The following REDIC1 variants were observed in gnomAD, a reference collection of about 807,000 sequenced individuals.
REDIC1 encodes HEI10 Interacting Protein 1.
At chr12:39,784,919 A>G in the REDIC1 span, among the ~76,000 whole-genome samples, 27 of 152,216 alleles carry the variant, frequency 1.8e-4, no homozygotes, top group Non-Finnish European at 3.8e-4. Context: ...TATCTGGTGG[A>G]AGAAATTTCT....
the REDIC1 span, among the ~76,000 whole-genome samples, chr12:39,655,782 G>C: frequency 6.6e-6 from 1 of 152,126 alleles, no homozygotes; most frequent in Non-Finnish European, 1.5e-5. Flanking sequence ...TAACTGTATG[G>C]ACACCTACTA....
chr12:39,661,523 A>C, the REDIC1 span, among the ~76,000 whole-genome samples: 2 of 151,526 alleles, frequency 1.3e-5, no homozygotes, highest in Non-Finnish European at 3.0e-5. Context: ...CTGTTGAGTC[A>C]TTTGAGTTTC....
At chr12:39,710,203 A>G in the REDIC1 span, among the ~76,000 whole-genome samples, 3 of 151,868 alleles carry the variant, frequency 2.0e-5, no homozygotes, top group South Asian at 6.2e-4. Context: ...CTTTTTAAGT[A>G]TAAGGTTTTC....
chr12:39,742,955 C>T, the REDIC1 span, among the ~76,000 whole-genome samples: 1 of 152,114 alleles, frequency 6.6e-6, no homozygotes, highest in Non-Finnish European at 1.5e-5. Flanking sequence ...AGGCAAATTG[C>T]TGGAAGTTCA....
the REDIC1 span, among the ~76,000 whole-genome samples, chr12:39,640,391 C>T: frequency 1.3e-5 from 2 of 151,878 alleles, no homozygotes. Flanking sequence ...AATTTCTCTT[C>T]TTGGTAAGCT....
chr12:39,713,137 A>G, the REDIC1 span, among the ~76,000 whole-genome samples: 1 of 149,862 alleles, frequency 6.7e-6, no homozygotes, highest in Non-Finnish European at 1.5e-5. Context: ...ATATACGTAT[A>G]TATGTAGATA....
chr12:39,748,995 T>C, the REDIC1 span, among the ~76,000 whole-genome samples: 3 of 151,744 alleles, frequency 2.0e-5, no homozygotes, highest in Non-Finnish European at 2.9e-5. Flanking sequence ...CACCCTAACA[T>C]CACAATTAGA....
chr12:39,907,280 GAA>G, the REDIC1 span, among the ~76,000 whole-genome samples: 1 of 152,078 alleles, frequency 6.6e-6, no homozygotes, highest in Non-Finnish European at 1.5e-5. Flanking sequence ...GCAAAATGAT[GAA>G]AGAGAACATA....
At chr12:39,666,539 T>C in the REDIC1 span, among the ~76,000 whole-genome samples, 1 of 152,324 alleles carries the variant, frequency 6.6e-6, no homozygotes, top group African/African-American at 2.4e-5. Flanking sequence ...TTTTTTGTTG[T>C]GTCTCTGCCC....
chr12:39,632,127 C>CT, the REDIC1 span, among the ~76,000 whole-genome samples: 4 of 151,838 alleles, frequency 2.6e-5, no homozygotes, highest in African/African-American at 4.8e-5. Flanking sequence ...GATGGAATCT[C>CT]TCTCTGTTGC....
At chr12:39,680,917 A>G in the REDIC1 span, among the ~76,000 whole-genome samples, 1 of 152,192 alleles carries the variant, frequency 6.6e-6, no homozygotes, top group African/African-American at 2.4e-5. Context: ...ATGGAAAACC[A>G]AACATTGTTA....
At chr12:39,797,741 C>CAT in the REDIC1 span, among the ~76,000 whole-genome samples, 6,316 of 30,840 alleles carry the variant, frequency 0.2, 244 homozygotes, top group South Asian at 0.29. Flanking sequence ...CACACACACA[C>CAT]ACACACACAC....
At chr12:39,788,288 T>C in the REDIC1 span, among the ~76,000 whole-genome samples, 3 of 152,126 alleles carry the variant, frequency 2.0e-5, no homozygotes, top group African/African-American at 7.2e-5. Context: ...AAAACAATTA[T>C]AACAGTATGC....
chr12:39,646,485 T>A, the REDIC1 span: 2 of 1,544,802 alleles, frequency 1.3e-6, no homozygotes, highest in East Asian at 5.0e-5. Context: ...AGGATTTATA[T>A]TATTAGGTGT....
chr12:39,782,794 G>A, the REDIC1 span, among the ~76,000 whole-genome samples: 9 of 152,270 alleles, frequency 5.9e-5, no homozygotes, highest in African/African-American at 2.2e-4. Context: ...TGAACAATAA[G>A]GTCCAGGCTG....
chr12:39,782,637 C>T, the REDIC1 span, among the ~76,000 whole-genome samples: 140,280 of 152,232 alleles, frequency 0.92, 65,128 homozygotes, highest in East Asian at 1. Context: ...AAAAGATACC[C>T]GAAAATGTGA....
chr12:39,640,987 A>G, the REDIC1 span: 1 of 1,610,152 alleles, frequency 6.2e-7, no homozygotes, highest in Non-Finnish European at 8.5e-7. Flanking sequence ...GAAAGAAGAA[A>G]GCAAAAGGTA....
At chr12:39,634,072 G>A in the REDIC1 span, among the ~76,000 whole-genome samples, 2 of 152,108 alleles carry the variant, frequency 1.3e-5, no homozygotes, top group African/African-American at 2.4e-5. Context: ...AGCTTGGAAG[G>A]TTCTTCCATT....
At chr12:39,694,401 G>A in the REDIC1 span, among the ~76,000 whole-genome samples, 8 of 147,316 alleles carry the variant, frequency 5.4e-5, no homozygotes, top group African/African-American at 1.7e-4. Context: ...TGGGAGTGGC[G>A]ACATGGTGCG....
Sources: gnomAD v4.1 joint callset for allele counts (sites outside exome capture counted in the v4.1 genomes callset) on GRCh38, gnomAD v4.1.1 for gene constraint, MANE v1.5 for transcripts, NCBI Gene and HGNC (gene_info 2026-07-23, HGNC 2026-07-21) for gene names.